DDO: variants seen among roughly 807,000 people sequenced by gnomAD.
DDO encodes D-aspartate oxidase.
Under a neutral mutation model 16.8 loss-of-function variants are expected in DDO, and 16 were observed. The observed-to-expected ratio is 0.95, with a 90% CI of 0.65 to 1.45. The LOEUF (loss-of-function observed/expected upper bound fraction) is 1.45. DDO is among the 40% of genes most tolerant of loss of function. The probability of loss-of-function intolerance (pLI) is 0.00; values close to 1 mark genes in which losing one functional copy is unlikely to be tolerated. For synonymous variants in DDO, 180 were observed against 167.2 expected (o/e 1.08, Z -0.59); for missense variants, 429 against 420.3 (o/e 1.02, Z -0.18).
At chr6:110,390,344 A>C (rs951789353), downstream of DDO, among the ~76,000 whole-genome samples, 4 of 152,236 alleles carry the variant, frequency 2.6e-5, no homozygotes, top group Non-Finnish European at 5.9e-5. Flanking sequence ...CTAATTTCAT[A>C]AAGCAGGCCT....
Position 110,392,321 on chromosome 6 carries a change from T to A in DDO, c.*454A>T. ...TCCTCCTGTGGATTTATAAGCCAAA[T>A]GATATCAAAATCTCTATAGCTTCCA... On this transcript the variant is annotated 3_prime_UTR_variant, in exon 5 of 5. Transcript: ENST00000368924. 1.0e-6 allele frequency: 1 copy of A among 986,196 alleles called. No individual in the cohort carries two copies. The highest frequency in any genetic ancestry group is 1.2e-6 in the Non-Finnish European group (1 of 830,484). 61.1% of individuals were successfully genotyped at this position (986,196 alleles called of 1,614,324 possible).
chr6:110,404,752 A>G (rs368861217), intron 4 of DDO, 22 bp downstream of exon 4: 1 of 1,612,198 alleles, frequency 6.2e-7, no homozygotes, highest in Non-Finnish European at 8.5e-7. Flanking sequence ...ATAAGGAAAT[A>G]TCAGGGAGCA....
intron 3 of DDO, among the ~76,000 whole-genome samples, chr6:110,407,381 G>T (rs1281007568): frequency 1.3e-5 from 2 of 152,136 alleles, no homozygotes; most frequent in Admixed American, 1.3e-4. Context: ...GAGGGGCTTT[G>T]GGAAATTACT....
chr6:110,404,751 T>C (rs1773589630), intron 4 of DDO, 23 bp downstream of exon 4: 1 of 1,611,734 alleles, frequency 6.2e-7, no homozygotes, highest in Non-Finnish European at 8.5e-7. Context: ...GATAAGGAAA[T>C]ATCAGGGAGC....
chr6:110,399,709 G>T (rs1161913862), intron 4 of DDO, among the ~76,000 whole-genome samples: 1 of 152,212 alleles, frequency 6.6e-6, no homozygotes. Context: ...CATGGCCAGG[G>T]GCCACCGGGC....
At chr6:110,415,337 A>AGC in intron 1 of DDO, 130 bp downstream of exon 1, 1 of 1,215,260 alleles carries the variant, frequency 8.2e-7, no homozygotes, top group Non-Finnish European at 1.1e-6. Context: ...AGGAGGAGTG[A>AGC]GCGAGCAATG....
In DDO at chr6:110,393,328, C is replaced by T. The variant is rs372127364; in HGVS notation, c.473G>A (p.Gly158Glu). 2 of 1,601,566 alleles carry T rather than the reference C, an allele frequency of 1.2e-6. No homozygotes were observed. Among genetic ancestry groups the T allele is most frequent in the African/African-American group, 2.7e-5 (2 of 74,768 alleles). ...PWLEKRIKGS[G>E]GWTLTRRIED... The stretch of plus-strand genomic sequence containing the variant: ...TATTCGCCGAGTGAGTGTCCAGCCT[C>T]CACTTCCCTTTATCCTACGGAAGAG... Residue 158 changes from glycine to glutamate, a missense_variant, in exon 5 of 5, where the codon GGA (glycine) becomes GAA (glutamate). Transcript: ENST00000368924.
intron 2 of DDO, among the ~76,000 whole-genome samples, chr6:110,408,848 G>A (rs975821685): frequency 6.6e-6 from 1 of 152,224 alleles, no homozygotes; most frequent in African/African-American, 2.4e-5. Context: ...ATAGGACCAA[G>A]GACAGAGGGC....
In DDO at chr6:110,404,899, G is replaced by GT; in HGVS notation, c.332dup (p.Asp111GlufsTer11). ...TCATCTTTCGAAATCCCAGAACCAC[G>GT]TCAGCCCAGAATGGCACTTCTTCAG... On this transcript the variant is annotated frameshift_variant, in exon 4 of 5. Coordinates refer to ENST00000368924, the MANE Select transcript of DDO (RefSeq NM_001372108.2). LOFTEE classifies it high-confidence loss of function. 1 of 1,614,148 alleles carries GT rather than the reference G, an allele frequency of 6.2e-7. No individual in the cohort carries two copies. The highest frequency in any genetic ancestry group is 8.5e-7 in the Non-Finnish European group (1 of 1,180,014).
chr6:110,408,188 A>G, intron 3 of DDO, 146 bp downstream of exon 3: 1 of 633,586 alleles, frequency 1.6e-6, no homozygotes, highest in Non-Finnish European at 2.6e-6. Context: ...TCTTTGGGGT[A>G]AAGCCTATAA....
At chr6:110,400,312 G>C (rs1773437304) in intron 4 of DDO, among the ~76,000 whole-genome samples, 1 of 152,034 alleles carries the variant, frequency 6.6e-6, no homozygotes, top group African/African-American at 2.4e-5. Context: ...TCTCGGAGTA[G>C]TGGGAGCTGG....
At chr6:110,397,419 T>G (rs1252161119) in intron 4 of DDO, among the ~76,000 whole-genome samples, 2 of 152,238 alleles carry the variant, frequency 1.3e-5, no homozygotes, top group Non-Finnish European at 2.9e-5. Flanking sequence ...ACATTGTAGA[T>G]TCCATGTGTT....
chr6:110,411,124 G>C (rs1027101316), intron 2 of DDO, among the ~76,000 whole-genome samples: 2 of 152,110 alleles, frequency 1.3e-5, no homozygotes, highest in Admixed American at 1.3e-4. Flanking sequence ...TCCCCAGGCA[G>C]GACATGGAAC....
At chr6:110,400,344 G>GGGGGGA (rs1303613533) in intron 4 of DDO, among the ~76,000 whole-genome samples, 2 of 87,212 alleles carry the variant, frequency 2.3e-5, no homozygotes, top group Admixed American at 2.1e-4. Flanking sequence ...GGAGCGGGCC[G>GGGGGGA]GGGCGGGGAC....
At chr6:110,396,929 T>C (rs1289205752) in intron 4 of DDO, among the ~76,000 whole-genome samples, 1 of 152,120 alleles carries the variant, frequency 6.6e-6, no homozygotes, top group Non-Finnish European at 1.5e-5. Flanking sequence ...GAAAAGTAAA[T>C]TGGAGTTTTG....
At chr6:110,401,507 C>A (rs1334856491) in intron 4 of DDO, among the ~76,000 whole-genome samples, 2 of 146,002 alleles carry the variant, frequency 1.4e-5, no homozygotes, top group African/African-American at 2.5e-5. Flanking sequence ...CAAAAAGACA[C>A]AAGAGCAGTT....
At chr6:110,391,383 T>C (rs1252198844), downstream of DDO, among the ~76,000 whole-genome samples, 2 of 144,564 alleles carry the variant, frequency 1.4e-5, no homozygotes, top group Admixed American at 1.4e-4. Context: ...GGAGTCTTGC[T>C]CTGTCACCCA....
chr6:110,393,443 T>C, intron 4 of DDO, 101 bp from the exon 5 acceptor site: 1 of 1,465,056 alleles, frequency 6.8e-7, no homozygotes, highest in Admixed American at 2.5e-5. Flanking sequence ...TAGGTGATGA[T>C]CTGATGAACA....
At chr6:110,391,061 C>T (rs988884627), downstream of DDO, among the ~76,000 whole-genome samples, 1 of 152,312 alleles carries the variant, frequency 6.6e-6, no homozygotes, top group African/African-American at 2.4e-5. Flanking sequence ...AGAGCCCACA[C>T]TTGATTTTAC....
Sources: gnomAD v4.1 joint callset for allele counts (sites outside exome capture counted in the v4.1 genomes callset) on GRCh38, gnomAD v4.1.1 for gene constraint, MANE v1.5 for transcripts, NCBI Gene and HGNC (gene_info 2026-07-23, HGNC 2026-07-21) for gene names.